The following KIF14 variants were observed in gnomAD, a reference collection of about 807,000 sequenced individuals.
KIF14 encodes kinesin-like protein KIF14.
Under a neutral mutation model 176.2 loss-of-function variants are expected in KIF14, and 98 were observed. The observed-to-expected ratio is 0.56, with a 90% CI of 0.47 to 0.66. KIF14 has a LOEUF of 0.66. Ranked by LOEUF, KIF14 falls within the 30% of genes least tolerant of loss-of-function variation. The pLI is 0.00. For synonymous variants in KIF14, 566 were observed against 632.2 expected (o/e 0.90, Z 1.57); for missense variants, 1,751 against 1,920.4 (o/e 0.91, Z 1.65).
Position 200,559,367 on chromosome 1 carries a change from A to G in KIF14, c.4316T>C (p.Leu1439Pro), listed in dbSNP as rs111250303. Residue 1439 changes from leucine (L) to proline (P), a missense_variant, in exon 27 of 30, where the codon CTT (leucine) becomes CCT (proline). Coordinates refer to ENST00000367350, the MANE Select transcript of KIF14 (RefSeq NM_014875.3). ...ACACTGCCTAAAGAGTTCATGCTGAAGTTCTTTTGCTTTTTCCAGTCCAGA... is the reference window on the plus strand; with the variant it reads ...ACACTGCCTAAAGAGTTCATGCTGAGGTTCTTTTGCTTTTTCCAGTCCAGA... ...LDSGLEKAKE[L>P]QHELFRQCTK... The G allele has an allele frequency of 6.3e-7, 1 of 1,592,356 alleles. No individual in the cohort carries two copies. Among genetic ancestry groups the G allele is most frequent in the Admixed American group, 1.7e-5 (1 of 57,770 alleles).
At chr1:200,569,369 T>A (rs1425821257) in intron 23 of KIF14, among the ~76,000 whole-genome samples, 1 of 152,158 alleles carries the variant, frequency 6.6e-6, no homozygotes, top group African/African-American at 2.4e-5. Flanking sequence ...ATTCCTTTTT[T>A]AAAAAAATTG....
At chr1:200,602,818 T>C (rs1659690346) in intron 10 of KIF14, among the ~76,000 whole-genome samples, 1 of 152,202 alleles carries the variant, frequency 6.6e-6, no homozygotes, top group South Asian at 2.1e-4. Context: ...AACAAAATTA[T>C]TCAACTTCTC....
In KIF14 at chr1:200,554,475, T is replaced by C. The variant is rs1379716169; in HGVS notation, c.4560A>G (p.Ala1520=). The C allele has an allele frequency of 4.6e-6, 7 of 1,528,786 alleles. No individual in the cohort carries two copies. Among genetic ancestry groups the C allele is most frequent in the African/African-American group, 2.8e-5 (2 of 72,574 alleles). 94.7% of individuals were successfully genotyped at this position (1,528,786 alleles called of 1,614,324 possible). Reference sequence around the variant, plus strand: ...CCATTTGGAGAATCATACCTTTCAGTGCAGAAATAATAATTTCAATAGCTT... The same window carrying C: ...CCATTTGGAGAATCATACCTTTCAGCGCAGAAATAATAATTTCAATAGCTT... ...LEKAIEIIIS[A]LKGCHSDINL... The change falls in exon 29 of 30, where the codon GCA becomes GCG. Residue 1520 remains alanine, a synonymous_variant. Transcript: ENST00000367350.
At chr1:200,558,897 A>G (rs1210413453) in intron 27 of KIF14, among the ~76,000 whole-genome samples, 1 of 152,252 alleles carries the variant, frequency 6.6e-6, no homozygotes. Flanking sequence ...TTGGTTCTGT[A>G]TCTTGATATG....
chr1:200,589,935 G>A (rs1658967658), intron 17 of KIF14, among the ~76,000 whole-genome samples, 190 bp downstream of exon 17: 1 of 152,024 alleles, frequency 6.6e-6, no homozygotes, highest in Admixed American at 6.6e-5. Flanking sequence ...TTACGGGCAT[G>A]AGCCACCATG....
chr1:200,608,986 G>A, intron 4 of KIF14, 58 bp from the exon 5 acceptor site: 1 of 984,230 alleles, frequency 1.0e-6, no homozygotes, highest in Non-Finnish European at 1.6e-6. Context: ...AATCATATCT[G>A]TGGTTAGGAA....
intron 7 of KIF14, among the ~76,000 whole-genome samples, 157 bp from the exon 8 acceptor site, chr1:200,605,547 T>TCAGATCAGCAGACTGTAACTC (rs1435452764): frequency 1.3e-5 from 2 of 152,202 alleles, no homozygotes. Flanking sequence ...CATTTGTAAT[T>TCAGATCAGCAGACTGTAACTC]AATTTATAAA....
chr1:200,556,837 G>A (rs934594607), intron 27 of KIF14, among the ~76,000 whole-genome samples: 6 of 152,182 alleles, frequency 3.9e-5, no homozygotes, highest in African/African-American at 1.4e-4. Flanking sequence ...AATTTGAGAC[G>A]TCAGTGGTGG....
chr1:200,581,370 T>TA (rs992355183), intron 19 of KIF14, 76 bp from the exon 20 acceptor site: 2,839 of 613,254 alleles, frequency 4.6e-3, no homozygotes, highest in South Asian at 7.0e-3. Context: ...AAACAATTCC[T>TA]AAAAAAAAAA....
intron 16 of KIF14, among the ~76,000 whole-genome samples, 187 bp downstream of exon 16, chr1:200,591,893 T>C (rs1020518925): frequency 1.3e-5 from 2 of 152,174 alleles, no homozygotes; most frequent in Admixed American, 6.5e-5. Context: ...CAGCATTTGG[T>C]ACAGTGACAG....
chr1:200,612,879 C>T lies in KIF14; in HGVS notation c.1455+1439G>A, dbSNP rs903845908. 8.2e-4 allele frequency among the ~76,000 whole-genome samples: 105 copies of T among 128,636 alleles called. 1 individual carries two copies. The highest frequency in any genetic ancestry group is 2.9e-3 in the African/African-American group (98 of 34,196). 84.4% of individuals were successfully genotyped at this position (128,636 alleles called of 152,430 possible). On this transcript the variant is annotated intron_variant, in intron 4 of 29. Transcript: ENST00000367350. The stretch of plus-strand genomic sequence containing the variant: ...GTTCTGCAGGCCTTTCTAGTTTATT[C>T]TCTTTTTTTTTTTTTTTTTTTTTTT...
At chr1:200,604,725 AC>A (rs1355265039) in intron 8 of KIF14, among the ~76,000 whole-genome samples, 5 of 152,104 alleles carry the variant, frequency 3.3e-5, no homozygotes, top group African/African-American at 1.2e-4. Context: ...ACAGATTTTA[AC>A]AGTGTGATTT....
At chr1:200,584,570 G>A (rs981461406) in intron 19 of KIF14, among the ~76,000 whole-genome samples, 2 of 152,170 alleles carry the variant, frequency 1.3e-5, no homozygotes, top group East Asian at 1.9e-4. Flanking sequence ...ATCAATAAAT[G>A]TGATATACCA....
intron 22 of KIF14, among the ~76,000 whole-genome samples, chr1:200,573,209 ACTTAAT>A (rs1160218897): frequency 4.6e-5 from 7 of 152,152 alleles, no homozygotes; most frequent in African/African-American, 1.7e-4. Context: ...ATAGGACCTC[ACTTAAT>A]CTTAATAGTA....
intron 21 of KIF14, among the ~76,000 whole-genome samples, chr1:200,576,046 T>C (rs1658083265): frequency 6.6e-6 from 1 of 152,172 alleles, no homozygotes; most frequent in African/African-American, 2.4e-5. Flanking sequence ...GTCGAATATA[T>C]TGATCAGGAT....
At position 200,552,316 on chromosome 1, in the gene KIF14, T is replaced by C. The variant is rs533627883; in HGVS notation, c.*1072A>G. ...AAGATCCCACAAGTAGAATATTATC[T>C]TTATTACTTGATCATAAATAAAGGT... On this transcript the variant is annotated 3_prime_UTR_variant, in exon 30 of 30. Transcript: ENST00000367350. The C allele has an allele frequency of 3.3e-5, 5 of 152,294 alleles. No individual in the cohort carries two copies. In the South Asian group the frequency reaches 1.0e-3, roughly 32 times the overall value. 9.4% of individuals were successfully genotyped at this position (152,294 alleles called of 1,614,324 possible).
In KIF14 at chr1:200,603,880, C is replaced by A; in HGVS notation, c.1822G>T (p.Glu608Ter). ...TTAGTGTGAGCCGTAGAGCAGCGCT[C>A]ACTGCCTGCCAGATCTATTAGGTTA... ...RINLIDLAGS[E>*]RCSTAHTNGD... Residue 608 changes from glutamate (E) to a stop codon, truncating the protein, a stop_gained, in exon 9 of 30, where the codon GAG becomes TAG. Coordinates refer to ENST00000367350, the MANE Select transcript of KIF14 (RefSeq NM_014875.3). LOFTEE classifies it high-confidence loss of function. 1 of 1,613,394 alleles carries A rather than the reference C, an allele frequency of 6.2e-7. No individual in the cohort carries two copies. Among genetic ancestry groups the A allele is most frequent in the South Asian group, 1.1e-5 (1 of 91,044 alleles).
intron 23 of KIF14, 39 bp from the exon 24 acceptor site, chr1:200,565,708 A>G (rs1402107882): frequency 1.5e-6 from 2 of 1,330,888 alleles, no homozygotes; most frequent in Non-Finnish European, 1.0e-6. Context: ...GCTTGTTTTC[A>G]GGAATAATAC....
intron 21 of KIF14, among the ~76,000 whole-genome samples, chr1:200,578,830 A>G (rs893533813): frequency 2.0e-5 from 3 of 152,126 alleles, no homozygotes; most frequent in Admixed American, 6.6e-5. Context: ...GGTGGCTCAC[A>G]CCTGTAATCC....
Sources: gnomAD v4.1 joint callset for allele counts (sites outside exome capture counted in the v4.1 genomes callset) on GRCh38, gnomAD v4.1.1 for gene constraint, MANE v1.5 for transcripts, NCBI Gene and HGNC (gene_info 2026-07-23, HGNC 2026-07-21) for gene names.